PARD3: variants seen among roughly 807,000 people sequenced by gnomAD.
PARD3 encodes par-3 family cell polarity regulator.
PARD3 carries 75 observed loss-of-function variants against 155.4 expected under a neutral mutation model. The ratio of observed to expected loss-of-function variants is 0.48; its 90% confidence interval spans 0.40 to 0.58. The LOEUF (loss-of-function observed/expected upper bound fraction) is 0.58. Among genes scored for constraint, PARD3 ranks in the 20% least tolerant of loss-of-function variants. The pLI is 0.00. For synonymous variants in PARD3, 576 were observed against 610.5 expected (o/e 0.94, Z 0.83); for missense variants, 1,642 against 1,721.7 (o/e 0.95, Z 0.82).
chr10:34,606,965 TAAA>T (rs531578595), intron 2 of PARD3, among the ~76,000 whole-genome samples: 7 of 114,836 alleles, frequency 6.1e-5, no homozygotes, highest in Admixed American at 1.0e-4. Context: ...GACTCTGTCT[TAAA>T]AAAAAAAAAA....
intron 2 of PARD3, among the ~76,000 whole-genome samples, chr10:34,659,318 T>G (rs1181199203): frequency 6.6e-6 from 1 of 152,228 alleles, no homozygotes; most frequent in Non-Finnish European, 1.5e-5. Flanking sequence ...ACTTTTTAGT[T>G]TTTTTAATGA....
chr10:34,622,817 TTC>T (rs1302327624), intron 2 of PARD3, among the ~76,000 whole-genome samples: 1 of 149,928 alleles, frequency 6.7e-6, no homozygotes, highest in African/African-American at 2.5e-5. Flanking sequence ...TGAGTTGGTT[TTC>T]TTTTTTTCTT....
intron 2 of PARD3, among the ~76,000 whole-genome samples, chr10:34,693,383 A>T (rs761621031): frequency 5.3e-5 from 8 of 152,246 alleles, no homozygotes; most frequent in Non-Finnish European, 1.0e-4. Context: ...GATAAAGAAA[A>T]TGTGGTACAA....
intron 21 of PARD3, among the ~76,000 whole-genome samples, chr10:34,276,567 A>G (rs1589026080): frequency 6.6e-6 from 1 of 152,206 alleles, no homozygotes; most frequent in Admixed American, 6.5e-5. Context: ...GGCTTTTAGC[A>G]CTAATTGCAG....
At chr10:34,326,490 A>G (rs1342409107) in intron 19 of PARD3, among the ~76,000 whole-genome samples, 1 of 152,254 alleles carries the variant, frequency 6.6e-6, no homozygotes, top group Non-Finnish European at 1.5e-5. Flanking sequence ...CTGACTTTGA[A>G]ATCTGATCCC....
intron 2 of PARD3, among the ~76,000 whole-genome samples, chr10:34,659,639 C>T (rs1005664921): frequency 1.5e-4 from 23 of 151,954 alleles, no homozygotes; most frequent in Non-Finnish European, 5.9e-5. Flanking sequence ...TTTTATTTTC[C>T]CCCCACTGTG....
intron 2 of PARD3, among the ~76,000 whole-genome samples, chr10:34,668,553 T>C (rs1382475053): frequency 6.6e-6 from 1 of 152,176 alleles, no homozygotes; most frequent in Non-Finnish European, 1.5e-5. Flanking sequence ...CAAACCTGGC[T>C]CTATAGCATT....
intron 2 of PARD3, among the ~76,000 whole-genome samples, chr10:34,664,634 T>C (rs1425773579): frequency 3.3e-5 from 5 of 152,004 alleles, no homozygotes; most frequent in African/African-American, 1.2e-4. Flanking sequence ...TACAGGCATG[T>C]GCCACCACAC....
At chr10:34,352,182 T>C (rs1042405418) in intron 14 of PARD3, among the ~76,000 whole-genome samples, 3 of 152,232 alleles carry the variant, frequency 2.0e-5, no homozygotes, top group African/African-American at 7.2e-5. Context: ...ATTAATGTCT[T>C]TAAAATATTT....
At chr10:34,228,948 C>T (rs565673905) in intron 22 of PARD3, among the ~76,000 whole-genome samples, 58 of 152,132 alleles carry the variant, frequency 3.8e-4, no homozygotes, top group African/African-American at 1.3e-3. Context: ...TGAGATCACA[C>T]TTCTTTCCTC....
At chr10:34,476,948 A>G (rs1290163774) in intron 3 of PARD3, among the ~76,000 whole-genome samples, 1 of 152,214 alleles carries the variant, frequency 6.6e-6, no homozygotes, top group Non-Finnish European at 1.5e-5. Flanking sequence ...ATCATGAAAC[A>G]CAACTGCCTG....
intron 1 of PARD3, among the ~76,000 whole-genome samples, chr10:34,792,089 G>A (rs891442165): frequency 6.6e-6 from 1 of 152,056 alleles, no homozygotes; most frequent in African/African-American, 2.4e-5. Flanking sequence ...TCAGATATGC[G>A]CCCTGTTCCT....
intron 2 of PARD3, among the ~76,000 whole-genome samples, chr10:34,602,385 T>C (rs190477775): frequency 2.0e-3 from 298 of 152,364 alleles, no homozygotes; most frequent in Non-Finnish European, 3.6e-3. Flanking sequence ...GTGATTATTA[T>C]TATATGTTTC....
chr10:34,266,231 A>T (rs1955299154), intron 22 of PARD3, among the ~76,000 whole-genome samples: 1 of 150,418 alleles, frequency 6.6e-6, no homozygotes, highest in Admixed American at 6.6e-5. Context: ...TCTTTCTATA[A>T]AAAAAAAAAA....
In PARD3 at chr10:34,257,853, A is replaced by T. The variant is rs531254941; in HGVS notation, c.3419+11804T>A. 3.3e-5 allele frequency among the ~76,000 whole-genome samples: 5 copies of T among 152,322 alleles called. No homozygotes were observed. In the South Asian group the frequency reaches 8.3e-4, roughly 25 times the overall value. On this transcript the variant is annotated intron_variant, in intron 22 of 24. Transcript: ENST00000374788. ...CCTTATTTATGGCTTCATTACTTTC[A>T]AGATTTCATTTGTTGGGTGTTTTAT...
intron 12 of PARD3, among the ~76,000 whole-genome samples, chr10:34,361,155 C>G (rs975222096): frequency 6.6e-6 from 1 of 152,210 alleles, no homozygotes; most frequent in African/African-American, 2.4e-5. Context: ...TTTCCACCAT[C>G]TCTATACTGG....
intron 1 of PARD3, among the ~76,000 whole-genome samples, chr10:34,811,884 G>A (rs12569527): frequency 0.13 from 19,246 of 152,094 alleles, 1,775 homozygotes; most frequent in East Asian, 0.38. Context: ...TCATGAGAAC[G>A]GTCCATGTAA....
Position 34,216,930 on chromosome 10 carries a change from T to A in PARD3, c.3419+52727A>T, listed in dbSNP as rs542963067. ...TCTTTAAACTCTGTCCCCATCCCCA[T>A]CCTCATTGAATGACATTCTTCTCAG... is the stretch of plus-strand genomic sequence containing the variant. On this transcript the variant is annotated intron_variant, in intron 22 of 24. Coordinates refer to ENST00000374788, the MANE Select transcript of PARD3 (RefSeq NM_001184785.2). Among the ~76,000 whole-genome samples the A allele has an allele frequency of 7.9e-5, 12 of 152,324 alleles. No individual in the cohort carries two copies. In the South Asian group the frequency reaches 2.5e-3, roughly 32 times the overall value.
chr10:34,302,846 G>T (rs1957216714), intron 20 of PARD3, among the ~76,000 whole-genome samples: 1 of 152,096 alleles, frequency 6.6e-6, no homozygotes, highest in Non-Finnish European at 1.5e-5. Flanking sequence ...GCCCATTTGT[G>T]GCAAGTTCCC....
Sources: gnomAD v4.1 joint callset for allele counts (sites outside exome capture counted in the v4.1 genomes callset) on GRCh38, gnomAD v4.1.1 for gene constraint, MANE v1.5 for transcripts, NCBI Gene and HGNC (gene_info 2026-07-23, HGNC 2026-07-21) for gene names.